The following PTPRT variants were observed in gnomAD, a reference collection of about 807,000 sequenced individuals.
PTPRT encodes protein tyrosine phosphatase receptor type T.
PTPRT carries 56 observed loss-of-function variants against 176.8 expected under a neutral mutation model. The ratio of observed to expected loss-of-function variants is 0.32; its 90% CI spans 0.26 to 0.40. The LOEUF (loss-of-function observed/expected upper bound fraction) is 0.40. Ranked by LOEUF, PTPRT falls within the 10% of genes least tolerant of loss-of-function variation. PTPRT has a pLI of 1.00. For missense variants in PTPRT, 1,540 were observed against 1,908.2 expected (o/e 0.81, Z 3.60); for synonymous variants, 783 against 739.0 (o/e 1.06, Z -0.96).
At chr20:42,355,439 G>A (rs1258514065) in intron 9 of PTPRT, among the ~76,000 whole-genome samples, 1 of 152,202 alleles carries the variant, frequency 6.6e-6, no homozygotes, top group Admixed American at 6.5e-5. Flanking sequence ...AAATGCTCGT[G>A]GAGGTATCTC....
chr20:42,234,513 G>A (rs1471728564), intron 15 of PTPRT, among the ~76,000 whole-genome samples: 1 of 152,134 alleles, frequency 6.6e-6, no homozygotes, highest in African/African-American at 2.4e-5. Context: ...TTTCAGTAAT[G>A]GGTAAAGCCA....
intron 7 of PTPRT, among the ~76,000 whole-genome samples, chr20:42,671,147 G>A (rs1455057702): frequency 2.6e-5 from 4 of 152,028 alleles, no homozygotes; most frequent in African/African-American, 7.2e-5. Flanking sequence ...TACTGACCTC[G>A]GCATCCACTG....
At chr20:42,092,123 G>T (rs532065708) in intron 27 of PTPRT, among the ~76,000 whole-genome samples, 11 of 152,286 alleles carry the variant, frequency 7.2e-5, no homozygotes, top group Admixed American at 4.6e-4. Flanking sequence ...GGAGGTAAAT[G>T]GGAAGAAAAT....
In PTPRT at chr20:42,184,575, T is replaced by TCTTCTTCTG. The variant is rs1555797988; in HGVS notation, c.2491+14664_2491+14665insCAGAAGAAG. Among the ~76,000 whole-genome samples, 350 of 138,960 alleles carry TCTTCTTCTG rather than the reference T, an allele frequency of 2.5e-3. 3 individuals carry two copies. Among genetic ancestry groups the TCTTCTTCTG allele is most frequent in the African/African-American group, 9.1e-3 (331 of 36,236 alleles). The allele number at this position is 138,960 out of a possible 152,430, so 91.2% of individuals were successfully genotyped here. The stretch of plus-strand genomic sequence containing the variant: ...TTCTTCTTCTTATTCTTCTTCTTCT[T>TCTTCTTCTG]CTTCTTCTTCTTCTTCTTCCTCTTC... On this transcript the variant is annotated intron_variant, in intron 16 of 30. Transcript: ENST00000373187.
chr20:42,760,755 G>C (rs2076903962), intron 5 of PTPRT, among the ~76,000 whole-genome samples: 1 of 152,156 alleles, frequency 6.6e-6, no homozygotes, highest in African/African-American at 2.4e-5. Context: ...GAACTTGTTA[G>C]AAATGTAAAT....
At chr20:42,519,471 G>C (rs2072130622) in intron 7 of PTPRT, among the ~76,000 whole-genome samples, 1 of 152,098 alleles carries the variant, frequency 6.6e-6, no homozygotes, top group South Asian at 2.1e-4. Context: ...AAAATATATA[G>C]TAGCTTTATT....
At chr20:42,988,572 G>A (rs548686007) in intron 1 of PTPRT, among the ~76,000 whole-genome samples, 9 of 152,178 alleles carry the variant, frequency 5.9e-5, no homozygotes, top group Admixed American at 1.3e-4. Context: ...GGTTCATGAC[G>A]GCCAATGAAA....
chr20:42,127,630 G>A (rs1221656580), intron 19 of PTPRT, among the ~76,000 whole-genome samples: 4 of 152,206 alleles, frequency 2.6e-5, no homozygotes, highest in Non-Finnish European at 5.9e-5. Context: ...TAGGGGACCA[G>A]TATGAATCTC....
Position 43,184,967 on chromosome 20 carries a change from C to G in PTPRT, c.88+4679G>C, listed in dbSNP as rs1318996915. On this transcript the variant is annotated intron_variant, in intron 1 of 30. Transcript: ENST00000373187. ...ATATGAAATGCTGAAACCCATGATC[C>G]TAACCGGTCACCCTAACCCACCTGG... Among the ~76,000 whole-genome samples the G allele has an allele frequency of 3.3e-5, 5 of 152,280 alleles. No homozygotes were observed. The East Asian group carries it at 9.7e-4, about 29-fold the overall frequency.
At chr20:43,060,070 T>C (rs1321500612) in intron 1 of PTPRT, among the ~76,000 whole-genome samples, 2 of 152,138 alleles carry the variant, frequency 1.3e-5, no homozygotes, top group Non-Finnish European at 2.9e-5. Flanking sequence ...TTCTAGCACG[T>C]ACCTCAAAAC....
At chr20:42,465,267 A>G (rs753202221) in intron 8 of PTPRT, among the ~76,000 whole-genome samples, 1 of 152,164 alleles carries the variant, frequency 6.6e-6, no homozygotes, top group East Asian at 1.9e-4. Context: ...ACAAAACTTC[A>G]TATGTACTTA....
intron 7 of PTPRT, among the ~76,000 whole-genome samples, chr20:42,674,374 A>G (rs1428107025): frequency 6.6e-6 from 1 of 152,238 alleles, no homozygotes; most frequent in Non-Finnish European, 1.5e-5. Context: ...TGTAAAATCC[A>G]TTACACAGTC....
chr20:42,594,262 C>T (rs1047459746), intron 7 of PTPRT, among the ~76,000 whole-genome samples: 2 of 151,998 alleles, frequency 1.3e-5, no homozygotes, highest in African/African-American at 4.8e-5. Flanking sequence ...TCTCATTTGC[C>T]GCTGTCAATC....
intron 7 of PTPRT, among the ~76,000 whole-genome samples, chr20:42,647,657 G>T (rs1435167394): frequency 6.6e-6 from 1 of 152,116 alleles, no homozygotes; most frequent in East Asian, 1.9e-4. Flanking sequence ...CTGCACTTGA[G>T]CATTCCACCC....
At position 43,091,164 on chromosome 20, in the gene PTPRT, C is replaced by T. The variant is rs771691662; in HGVS notation, c.88+98482G>A. ...AGGAGAATCGCTTGAACCTGAAAAG[C>T]GGAGGTTGCAGTGAGCCAAGATGGC... On this transcript the variant is annotated intron_variant, in intron 1 of 30. Coordinates refer to ENST00000373187, the MANE Select transcript of PTPRT (RefSeq NM_007050.6). Among the ~76,000 whole-genome samples the T allele has an allele frequency of 7.2e-5, 11 of 152,068 alleles. 1 individual carries two copies. Among genetic ancestry groups the T allele is most frequent in the Non-Finnish European group, 8.8e-5 (6 of 67,976 alleles).
rs188096778 is a variant in PTPRT at position 42,544,129 on chromosome 20, G to A, written c.1154-71567C>T. On this transcript the variant is annotated intron_variant, in intron 7 of 30. Coordinates refer to ENST00000373187, the MANE Select transcript of PTPRT (RefSeq NM_007050.6). ...ACTAGAGAGCAAGTCTGTCCATTGA[G>A]GCTTTGAAGCCAGACATTTGTTTCT... 2.1e-3 allele frequency among the ~76,000 whole-genome samples: 319 copies of A among 152,278 alleles called. 1 individual carries two copies. The highest frequency in any genetic ancestry group is 6.9e-3 in the African/African-American group (288 of 41,546).
At chr20:42,770,627 AT>A (rs758135171) in intron 5 of PTPRT, among the ~76,000 whole-genome samples, 19 of 150,660 alleles carry the variant, frequency 1.3e-4, no homozygotes, top group Non-Finnish European at 2.4e-4. Flanking sequence ...CAGATTGCTC[AT>A]TTTAGTGAAA....
chr20:42,719,593 T>C (rs951783385), intron 6 of PTPRT, among the ~76,000 whole-genome samples: 1 of 152,192 alleles, frequency 6.6e-6, no homozygotes, highest in Non-Finnish European at 1.5e-5. Context: ...GTGGGAATGT[T>C]ACAGCTAAAG....
intron 6 of PTPRT, among the ~76,000 whole-genome samples, chr20:42,731,655 C>T (rs921175353): frequency 6.6e-6 from 1 of 152,160 alleles, no homozygotes; most frequent in African/African-American, 2.4e-5. Context: ...GAGACATGCA[C>T]CCTGTGCTCT....
Sources: gnomAD v4.1 joint callset for allele counts (sites outside exome capture counted in the v4.1 genomes callset) on GRCh38, gnomAD v4.1.1 for gene constraint, MANE v1.5 for transcripts, NCBI Gene and HGNC (gene_info 2026-07-23, HGNC 2026-07-21) for gene names.